Variants in DLG2 observed in about 807,000 individuals in gnomAD.
The protein encoded by DLG2 is disks large homolog 2.
A neutral mutation model predicts 132.5 loss-of-function variants in DLG2; 45 were observed. That is an observed-to-expected ratio of 0.34 (90% CI 0.27 to 0.44). The LOEUF is 0.44. Among genes scored for constraint, DLG2 ranks in the 20% least tolerant of loss-of-function variants. The pLI is 1.00. For synonymous variants in DLG2, 424 were observed against 419.6 expected (o/e 1.01, Z -0.13); for missense variants, 1,045 against 1,196.9 (o/e 0.87, Z 1.87).
At chr11:84,850,592 T>A (rs2082056709) in intron 6 of DLG2, among the ~76,000 whole-genome samples, 1 of 152,066 alleles carries the variant, frequency 6.6e-6, no homozygotes, top group African/African-American at 2.4e-5. Context: ...GCATCTGGAT[T>A]GAAAAGGATG....
At chr11:83,638,509 A>G (rs1182097738) in intron 18 of DLG2, among the ~76,000 whole-genome samples, 1 of 152,154 alleles carries the variant, frequency 6.6e-6, no homozygotes, top group Non-Finnish European at 1.5e-5. Flanking sequence ...AATTCTTTCT[A>G]TTACTTCTGT....
intron 3 of DLG2, among the ~76,000 whole-genome samples, chr11:85,355,014 G>A (rs1226474999): frequency 6.6e-6 from 1 of 151,070 alleles, no homozygotes; most frequent in Non-Finnish European, 1.5e-5. Context: ...ATGCTATTTT[G>A]TTTTTTGCAC....
intron 17 of DLG2, among the ~76,000 whole-genome samples, chr11:83,827,210 T>A (rs2040311): frequency 6.6e-6 from 1 of 151,936 alleles, no homozygotes; most frequent in Non-Finnish European, 1.5e-5. Context: ...AGTGGAGAGG[T>A]GGAAGCAACA....
At chr11:84,204,762 G>T (rs1277603611) in intron 8 of DLG2, among the ~76,000 whole-genome samples, 1 of 151,886 alleles carries the variant, frequency 6.6e-6, no homozygotes. Flanking sequence ...CTGTCTCCAG[G>T]ACTGGAGTGG....
chr11:84,967,001 G>A (rs1253581023), intron 6 of DLG2, among the ~76,000 whole-genome samples: 1 of 152,096 alleles, frequency 6.6e-6, no homozygotes, highest in Non-Finnish European at 1.5e-5. Flanking sequence ...TAACTCTGAG[G>A]TGATGGCTGG....
rs199599488 is a variant in DLG2 at position 83,874,462 on chromosome 11, C to T, written c.1523G>A (p.Arg508His). 132 of 1,601,470 alleles carry T rather than the reference C, an allele frequency of 8.2e-5. 1 individual carries two copies. The highest frequency in any genetic ancestry group is 4.8e-4 in the African/African-American group (36 of 74,776). ...TSHSQHSTAT[R>H]QPSMTLQRAV... The stretch of plus-strand genomic sequence containing the variant: ...CCGTTGGAGAGTCATTGAAGGCTGA[C>T]GAGTTGCGGTGCTATGTTGGGAATG... The change falls in exon 16 of 28, where the codon CGT (arginine) becomes CAT (histidine). Residue 508 changes from arginine to histidine, a missense_variant. Transcript: ENST00000376104.
intron 18 of DLG2, among the ~76,000 whole-genome samples, chr11:83,676,964 A>G (rs1357634530): frequency 1.3e-5 from 2 of 152,144 alleles, no homozygotes; most frequent in Non-Finnish European, 2.9e-5. Context: ...GAACTAGAAA[A>G]CGACCGAACA....
chr11:85,312,211 G>A lies in DLG2; in HGVS notation c.41-26846C>T, dbSNP rs2080358284. Among the ~76,000 whole-genome samples the A allele has an allele frequency of 4.0e-5, 6 of 151,714 alleles. No individual in the cohort carries two copies. In the South Asian group the frequency reaches 1.0e-3, roughly 26 times the overall value. Reference sequence around the variant, plus strand: ...AAGAAAAAACATTGTGTCTTATTCAGTTTTGTATGAATGCATATATTTATG... The same window carrying A: ...AAGAAAAAACATTGTGTCTTATTCAATTTTGTATGAATGCATATATTTATG... On this transcript the variant is annotated intron_variant, in intron 3 of 27. Coordinates refer to ENST00000376104, the MANE Select transcript of DLG2 (RefSeq NM_001142699.3).
At chr11:83,462,545 T>C (rs2090230302) in intron 26 of DLG2, among the ~76,000 whole-genome samples, 1 of 152,146 alleles carries the variant, frequency 6.6e-6, no homozygotes, top group East Asian at 1.9e-4. Flanking sequence ...TTTGTTCTAG[T>C]GTATCTCAGA....
chr11:84,801,705 G>C (rs1484665504), intron 6 of DLG2, among the ~76,000 whole-genome samples: 1 of 152,148 alleles, frequency 6.6e-6, no homozygotes, highest in Non-Finnish European at 1.5e-5. Flanking sequence ...AGTGAAAAGA[G>C]GTGTTGTGAT....
intron 18 of DLG2, among the ~76,000 whole-genome samples, chr11:83,734,520 G>T (rs1214976813): frequency 6.6e-6 from 1 of 151,680 alleles, no homozygotes; most frequent in Non-Finnish European, 1.5e-5. Context: ...GCACTATCTT[G>T]GCTCACTGCA....
rs115071453 is a variant in DLG2 at position 85,271,461 on chromosome 11, G to A, written c.186+13759C>T. On this transcript the variant is annotated intron_variant, in intron 4 of 27. Transcript: ENST00000376104. ...GTCCCCACTGGGGTGCTGTCTAGTG[G>A]AGCTGTGAGAAGAATGCCACTGTCC... Among the ~76,000 whole-genome samples, 559 of 152,318 alleles carry A rather than the reference G, an allele frequency of 3.7e-3. 3 individuals are homozygous for A. Among genetic ancestry groups the A allele is most frequent in the African/African-American group, 0.013 (536 of 41,572 alleles).
At chr11:84,398,260 C>T (rs1293718697) in intron 7 of DLG2, among the ~76,000 whole-genome samples, 1 of 152,072 alleles carries the variant, frequency 6.6e-6, no homozygotes, top group African/African-American at 2.4e-5. Context: ...TCTGAAAGCT[C>T]TTAAAAAGGG....
intron 7 of DLG2, among the ~76,000 whole-genome samples, chr11:84,413,397 G>A (rs2098916745): frequency 6.6e-6 from 1 of 152,148 alleles, no homozygotes; most frequent in Admixed American, 6.5e-5. Context: ...CATAAACAAA[G>A]GCAGAAGATA....
At chr11:85,472,642 C>T (rs1258816113) in intron 3 of DLG2, among the ~76,000 whole-genome samples, 4 of 152,206 alleles carry the variant, frequency 2.6e-5, no homozygotes, top group African/African-American at 7.2e-5. Flanking sequence ...ACCTTGCTCA[C>T]TCTTTGGTTA....
intron 6 of DLG2, among the ~76,000 whole-genome samples, chr11:84,838,792 A>G (rs572760626): frequency 4.1e-4 from 63 of 152,148 alleles, no homozygotes; most frequent in Non-Finnish European, 1.5e-4. Flanking sequence ...AAATTCAACA[A>G]CGCTTCATGC....
chr11:84,631,199 A>AT (rs2099631511), intron 6 of DLG2, among the ~76,000 whole-genome samples: 1 of 152,024 alleles, frequency 6.6e-6, no homozygotes, highest in South Asian at 2.1e-4. Context: ...TGTGCTCCTT[A>AT]TGGAGCAGAG....
chr11:83,883,494 T>C (rs1035439032), intron 15 of DLG2, among the ~76,000 whole-genome samples: 5 of 152,158 alleles, frequency 3.3e-5, no homozygotes, highest in Non-Finnish European at 7.4e-5. Context: ...CTCATCACTG[T>C]TAGGTAGCTG....
intron 3 of DLG2, among the ~76,000 whole-genome samples, chr11:85,494,458 T>C (rs764461919): frequency 1.3e-5 from 2 of 152,082 alleles, no homozygotes; most frequent in Non-Finnish European, 2.9e-5. Context: ...CTTTATTTCA[T>C]CAATTGCTTC....
Sources: gnomAD v4.1 joint callset for allele counts (sites outside exome capture counted in the v4.1 genomes callset) on GRCh38, gnomAD v4.1.1 for gene constraint, MANE v1.5 for transcripts, NCBI Gene and HGNC (gene_info 2026-07-23, HGNC 2026-07-21) for gene names.